Variants in ECH1 observed in about 807,000 individuals in gnomAD.
ECH1 encodes the protein delta(3,5)-Delta(2,4)-dienoyl-CoA isomerase, mitochondrial.
ECH1 carries 30 observed loss-of-function variants against 37.0 expected under a neutral mutation model. That is an observed-to-expected ratio of 0.81 (90% CI 0.61 to 1.10). ECH1 has a LOEUF of 1.10. Ranked by LOEUF, ECH1 falls within the 50% of genes least tolerant of loss-of-function variation. The pLI is 0.00. For synonymous variants in ECH1, 178 were observed against 176.0 expected (o/e 1.01, Z -0.09); for missense variants, 456 against 441.6 (o/e 1.03, Z -0.29).
At chr19:38,816,579 A>T in intron 6 of ECH1, 56 bp from the exon 7 acceptor site, 1 of 1,592,312 alleles carries the variant, frequency 6.3e-7, no homozygotes, top group Admixed American at 1.7e-5. Context: ...GCCCCTCGCA[A>T]TGTCAACGTC....
At chr19:38,828,322 C>T (rs1218053152) in intron 3 of ECH1, among the ~76,000 whole-genome samples, 1 of 152,038 alleles carries the variant, frequency 6.6e-6, no homozygotes, top group African/African-American at 2.4e-5. Flanking sequence ...ACCTCTGCCT[C>T]CTGGGTTCAA....
intron 3 of ECH1, among the ~76,000 whole-genome samples, chr19:38,818,766 G>C (rs140905706): frequency 6.6e-6 from 1 of 152,186 alleles, no homozygotes; most frequent in African/African-American, 2.4e-5. Context: ...GATTACAGGC[G>C]TGAGCCACCG....
rs1182519279 is a variant in ECH1 at position 38,817,583 on chromosome 19, G to T, written c.350-8C>A. On this transcript the variant is annotated splice_polypyrimidine_tract_variant and splice_region_variant and intron_variant, in intron 3 of 9. Transcript: ENST00000221418. Reference sequence around the variant, plus strand: ...TGTCCATCAGGTCAATACCTGGTGAGAAGGCATGATGGAGCTCATCCAGGC... The same window carrying T: ...TGTCCATCAGGTCAATACCTGGTGATAAGGCATGATGGAGCTCATCCAGGC... 9 of 1,588,520 alleles carry T rather than the reference G, an allele frequency of 5.7e-6. No individual in the cohort carries two copies. The highest frequency in any genetic ancestry group is 1.3e-5 in the African/African-American group (1 of 74,530).
chr19:38,816,940 A>T, intron 6 of ECH1, 125 bp downstream of exon 6: 1 of 1,105,366 alleles, frequency 9.0e-7, no homozygotes, highest in Non-Finnish European at 1.3e-6. Context: ...GACTTCCTCT[A>T]TGGGCAAGTC....
chr19:38,825,697 T>C (rs1004324932), intron 3 of ECH1, among the ~76,000 whole-genome samples: 8 of 152,158 alleles, frequency 5.3e-5, no homozygotes, highest in African/African-American at 9.7e-5. Flanking sequence ...AGAGGACAGA[T>C]AGTAGAGGCC....
In ECH1 at chr19:38,817,360, G is replaced by T; in HGVS notation, c.479C>A (p.Pro160His). 1 of 1,593,442 alleles carries T rather than the reference G, an allele frequency of 6.3e-7. No homozygotes were observed. The highest frequency in any genetic ancestry group is 8.5e-7 in the Non-Finnish European group (1 of 1,169,778). ...QETFNVIERC[P>H]KPVIAAVHGG... is the part of the protein sequence containing the mutation. The stretch of plus-strand genomic sequence containing the variant: ...ATGGACGGCAGCAATCACGGGCTTG[G>T]GGCACTGAGAGGGAACAGGAAGAGT... The change falls in exon 5 of 10, where the codon CCC becomes CAC. Residue 160 changes from proline to histidine, a missense_variant. Transcript: ENST00000221418.
At chr19:38,823,002 A>G (rs1971686853) in intron 3 of ECH1, 1 of 152,436 alleles carries the variant, frequency 6.6e-6, no homozygotes, top group Non-Finnish European at 1.5e-5. Context: ...CAAGACCACG[A>G]ACCCACTGGG....
At chr19:38,822,790 G>A (rs1455489453) in intron 3 of ECH1, among the ~76,000 whole-genome samples, 3 of 152,214 alleles carry the variant, frequency 2.0e-5, no homozygotes, top group Admixed American at 6.5e-5. Context: ...CCAGCAGGAT[G>A]TGGGTGGGGA....
chr19:38,815,864 T>C lies in ECH1; in HGVS notation c.875A>G (p.Asn292Ser). Residue 292 changes from asparagine to serine, a missense_variant, in exon 9 of 10, where the codon AAC becomes AGC. Coordinates refer to ENST00000221418, the MANE Select transcript of ECH1 (RefSeq NM_001398.3). ...SRDHSVAESL[N>S]YVASWNMSML... The stretch of plus-strand genomic sequence containing the variant: ...TCGGAGCGTGCACCTTACCACGTAG[T>C]TGAGGCTCTCGGCCACCGAATGGTC... 1.9e-6 allele frequency: 3 copies of C among 1,614,210 alleles called. No homozygotes were observed. The highest frequency in any genetic ancestry group is 2.2e-5 in the South Asian group (2 of 91,086).
chr19:38,821,830 C>G (rs117837048), intron 3 of ECH1, among the ~76,000 whole-genome samples: 1 of 152,230 alleles, frequency 6.6e-6, no homozygotes, highest in Non-Finnish European at 1.5e-5. Flanking sequence ...AGCGCCACCC[C>G]CTGCTCGGCG....
chr19:38,831,654 C>T (rs1971827624), intron 1 of ECH1, 67 bp downstream of exon 1: 1 of 1,600,502 alleles, frequency 6.2e-7, no homozygotes, highest in Non-Finnish European at 8.5e-7. Flanking sequence ...GATAGCCCTC[C>T]CCGTCCTACA....
In ECH1 at chr19:38,831,006, C is replaced by G. The variant is rs1164720471; in HGVS notation, c.349+72G>C. 4 of 1,359,766 alleles carry G rather than the reference C, an allele frequency of 2.9e-6. No homozygotes were observed. The African/African-American group carries it at 5.8e-5, about 20-fold the overall frequency. The allele number at this position is 1,359,766 out of a possible 1,614,324, so 84.2% of individuals were successfully genotyped here. ...TCAGAAGCTGCTTAAAACCCTAATTCAGAAGCACTGCTCCACTGTCTATTG... is the reference window on the plus strand; with the variant it reads ...TCAGAAGCTGCTTAAAACCCTAATTGAGAAGCACTGCTCCACTGTCTATTG... On this transcript the variant is annotated intron_variant, in intron 3 of 9. Coordinates refer to ENST00000221418, the MANE Select transcript of ECH1 (RefSeq NM_001398.3).
chr19:38,827,047 G>C (rs748351186), intron 3 of ECH1, among the ~76,000 whole-genome samples: 2 of 138,240 alleles, frequency 1.4e-5, no homozygotes, highest in Non-Finnish European at 3.1e-5. Flanking sequence ...AGGAGAGGGA[G>C]AAGGAGGGGA....
chr19:38,817,360 G>C lies in ECH1; in HGVS notation c.479C>G (p.Pro160Arg). The C allele has an allele frequency of 6.3e-7, 1 of 1,593,442 alleles. No homozygotes were observed. ...QETFNVIERCPKPVIAAVHGG... is the reference protein window; with the variant it reads ...QETFNVIERCRKPVIAAVHGG... ...ATGGACGGCAGCAATCACGGGCTTGGGGCACTGAGAGGGAACAGGAAGAGT... is the reference window on the plus strand; with the variant it reads ...ATGGACGGCAGCAATCACGGGCTTGCGGCACTGAGAGGGAACAGGAAGAGT... Residue 160 changes from proline to arginine, a missense_variant, in exon 5 of 10, where the codon CCC (proline) becomes CGC (arginine). Physicochemically the swap from Pro to Arg is moderately radical, Grantham distance 103. Coordinates refer to ENST00000221418, the MANE Select transcript of ECH1 (RefSeq NM_001398.3).
In ECH1 at chr19:38,825,568, G is replaced by A. The variant is rs148223604; in HGVS notation, c.349+5510C>T. Among the ~76,000 whole-genome samples, 386 of 152,214 alleles carry A rather than the reference G, an allele frequency of 2.5e-3. 5 individuals are homozygous for A. The highest frequency in any genetic ancestry group is 8.9e-3 in the African/African-American group (370 of 41,524). ...AAATTTGGAGGCATTATCAAAACCTGGCAACCTCAGTGTTCTATAATAGGG... is the reference window on the plus strand; with the variant it reads ...AAATTTGGAGGCATTATCAAAACCTAGCAACCTCAGTGTTCTATAATAGGG... On this transcript the variant is annotated intron_variant, in intron 3 of 9. Transcript: ENST00000221418.
At chr19:38,819,360 G>A (rs1971628358) in intron 3 of ECH1, 1 of 470,216 alleles carries the variant, frequency 2.1e-6, no homozygotes, top group Admixed American at 6.4e-5. Flanking sequence ...TCACCTCCTA[G>A]AGAGGCCCTC....
intron 3 of ECH1, among the ~76,000 whole-genome samples, chr19:38,819,567 G>A (rs1001675091): frequency 1.3e-5 from 2 of 152,032 alleles, no homozygotes; most frequent in African/African-American, 4.8e-5. Context: ...CTAGCACAGG[G>A]CCTGGCGCAC....
intron 3 of ECH1, 144 bp from the exon 4 acceptor site, chr19:38,817,719 G>A (rs1342831910): frequency 2.1e-5 from 30 of 1,418,432 alleles, no homozygotes; most frequent in East Asian, 2.6e-5. Flanking sequence ...ACTTGGTGAG[G>A]GATTGATTGC....
chr19:38,822,888 G>C (rs2145378618), intron 3 of ECH1: 1 of 152,920 alleles, frequency 6.5e-6, no homozygotes, highest in East Asian at 1.9e-4. Context: ...CTGTTCTTTT[G>C]CTCTTTGCAA....
Sources: gnomAD v4.1 joint callset for allele counts (sites outside exome capture counted in the v4.1 genomes callset) on GRCh38, gnomAD v4.1.1 for gene constraint, MANE v1.5 for transcripts, NCBI Gene and HGNC (gene_info 2026-07-23, HGNC 2026-07-21) for gene names.